The following KIAA1328 variants were observed in gnomAD, a reference collection of about 807,000 sequenced individuals.
KIAA1328 encodes protein hinderin.
Under a neutral mutation model 68.1 loss-of-function variants are expected in KIAA1328, and 52 were observed. The ratio of observed to expected loss-of-function variants is 0.76; its 90% confidence interval spans 0.61 to 0.96. The LOEUF (loss-of-function observed/expected upper bound fraction) is 0.96, where lower values mean the gene tolerates loss of function less well. Ranked by LOEUF, KIAA1328 falls within the 40% of genes least tolerant of loss-of-function variation. The probability of loss-of-function intolerance (pLI) is 0.00; values close to 1 mark genes in which losing one functional copy is unlikely to be tolerated. For missense variants in KIAA1328, 641 were observed against 677.6 expected (o/e 0.95, Z 0.60); for synonymous variants, 232 against 239.4 (o/e 0.97, Z 0.28).
chr18:36,964,740 T>C (rs187468140), intron 6 of KIAA1328, among the ~76,000 whole-genome samples: 5 of 152,308 alleles, frequency 3.3e-5, no homozygotes, highest in Admixed American at 3.3e-4. Context: ...TAGTGTTTAT[T>C]TGATGTGTGT....
chr18:37,118,638 G>A (rs2058186624), intron 7 of KIAA1328, among the ~76,000 whole-genome samples: 2 of 152,158 alleles, frequency 1.3e-5, no homozygotes, highest in Non-Finnish European at 2.9e-5. Flanking sequence ...GATCAAAGTA[G>A]CTAGGTAGCA....
intron 4 of KIAA1328, among the ~76,000 whole-genome samples, chr18:36,882,251 G>A (rs1013833): frequency 0.14 from 20,707 of 152,118 alleles, 1,748 homozygotes; most frequent in Admixed American, 0.18. Flanking sequence ...TAACTATTGT[G>A]CTTTAAAATG....
intron 6 of KIAA1328, among the ~76,000 whole-genome samples, chr18:37,029,679 G>A (rs1568312990): frequency 6.6e-6 from 1 of 152,178 alleles, no homozygotes; most frequent in Non-Finnish European, 1.5e-5. Flanking sequence ...ATATTAATCT[G>A]TAGTTCTGTT....
At chr18:37,145,618 T>C (rs1394260112) in intron 7 of KIAA1328, among the ~76,000 whole-genome samples, 1 of 152,228 alleles carries the variant, frequency 6.6e-6, no homozygotes, top group East Asian at 1.9e-4. Context: ...TTTTATGACA[T>C]GTATTTTGAA....
At chr18:36,995,802 G>A (rs2053367448) in intron 6 of KIAA1328, among the ~76,000 whole-genome samples, 1 of 151,976 alleles carries the variant, frequency 6.6e-6, no homozygotes, top group South Asian at 2.1e-4. Flanking sequence ...CCTTTTCTAG[G>A]GTGTAGGAAA....
intron 7 of KIAA1328, among the ~76,000 whole-genome samples, chr18:37,091,997 C>T (rs964912586): frequency 3.9e-5 from 6 of 152,102 alleles, no homozygotes; most frequent in African/African-American, 1.2e-4. Flanking sequence ...CTGGCCAACT[C>T]GTATGCCATC....
intron 5 of KIAA1328, among the ~76,000 whole-genome samples, chr18:36,913,370 A>T (rs8084238): frequency 0.73 from 109,852 of 149,520 alleles, 43,275 homozygotes; most frequent in South Asian, 0.88. Context: ...AAAAAAAAAA[A>T]TTTTTTAAGA....
intron 7 of KIAA1328, among the ~76,000 whole-genome samples, chr18:37,071,643 A>G (rs184198906): frequency 6.6e-6 from 1 of 152,214 alleles, no homozygotes; most frequent in African/African-American, 2.4e-5. Context: ...TCACTTGAGC[A>G]AATCCATGGG....
chr18:36,968,826 A>G (rs1481091080), intron 6 of KIAA1328, among the ~76,000 whole-genome samples: 2 of 152,198 alleles, frequency 1.3e-5, no homozygotes, highest in Non-Finnish European at 2.9e-5. Flanking sequence ...ACAACACAAT[A>G]TATATTCTTC....
intron 6 of KIAA1328, among the ~76,000 whole-genome samples, chr18:36,984,292 C>T (rs550220359): frequency 3.0e-4 from 46 of 152,124 alleles, no homozygotes; most frequent in African/African-American, 9.9e-4. Context: ...AAAAGACATC[C>T]AAATTGAGAA....
chr18:36,900,039 T>C (rs1775227588), intron 5 of KIAA1328, among the ~76,000 whole-genome samples: 1 of 151,930 alleles, frequency 6.6e-6, no homozygotes, highest in African/African-American at 2.4e-5. Flanking sequence ...TTAGACAGTT[T>C]CTTGGAATGA....
chr18:37,230,537 T>C (rs933806372), downstream of KIAA1328: 1 of 152,214 alleles, frequency 6.6e-6, no homozygotes, highest in African/African-American at 2.4e-5. Context: ...GAAAAAGATA[T>C]CAGTCTTATT....
intron 7 of KIAA1328, among the ~76,000 whole-genome samples, chr18:37,097,191 G>A (rs1020376708): frequency 9.9e-5 from 15 of 152,166 alleles, no homozygotes; most frequent in Non-Finnish European, 2.1e-4. Flanking sequence ...TTCTTCTAGG[G>A]TTCTTCTGGT....
At chr18:37,060,856 G>A (rs1279982001) in intron 6 of KIAA1328, among the ~76,000 whole-genome samples, 3 of 152,194 alleles carry the variant, frequency 2.0e-5, no homozygotes, top group Admixed American at 6.5e-5. Context: ...TGTGGCTCAC[G>A]CCTGTAATCT....
chr18:36,949,091 C>T (rs1470873643), intron 5 of KIAA1328, among the ~76,000 whole-genome samples: 1 of 152,068 alleles, frequency 6.6e-6, no homozygotes, highest in Non-Finnish European at 1.5e-5. Flanking sequence ...AAGGAAGCTT[C>T]TTGGGGGAGA....
At position 37,153,797 on chromosome 18, in the gene KIAA1328, A is replaced by G. The variant is rs911853423; in HGVS notation, c.1233-6403A>G. Among the ~76,000 whole-genome samples the G allele has an allele frequency of 7.5e-5, 11 of 147,120 alleles. No individual in the cohort carries two copies. The East Asian group carries it at 8.0e-4, about 11-fold the overall frequency. ...TGAACGGAGGAATTAAGAGGTATCT[A>G]TCTGTTTCTCCAGCCTAGATTTTAT... On this transcript the variant is annotated intron_variant, in intron 7 of 9. Transcript: ENST00000280020.
intron 5 of KIAA1328, among the ~76,000 whole-genome samples, chr18:36,893,337 G>A (rs2048752595): frequency 2.0e-5 from 3 of 151,704 alleles, no homozygotes; most frequent in African/African-American, 7.3e-5. Context: ...GCATAATCAG[G>A]ACTCACTGCG....
intron 4 of KIAA1328, among the ~76,000 whole-genome samples, chr18:36,859,465 T>C (rs1048502402): frequency 6.6e-6 from 1 of 151,838 alleles, no homozygotes; most frequent in Non-Finnish European, 1.5e-5. Context: ...TTAAAAAAAA[T>C]GATCAGTTCC....
intron 5 of KIAA1328, among the ~76,000 whole-genome samples, chr18:36,939,896 GA>G (rs1482069121): frequency 6.6e-6 from 1 of 151,920 alleles, no homozygotes; most frequent in Non-Finnish European, 1.5e-5. Flanking sequence ...ATGTATATAT[GA>G]AAAAATATCT....
Sources: gnomAD v4.1 joint callset for allele counts (sites outside exome capture counted in the v4.1 genomes callset) on GRCh38, gnomAD v4.1.1 for gene constraint, MANE v1.5 for transcripts, NCBI Gene and HGNC (gene_info 2026-07-23, HGNC 2026-07-21) for gene names.